The following NAALADL2 variants were observed in gnomAD, a reference collection of about 807,000 sequenced individuals.
NAALADL2 encodes inactive N-acetylated-alpha-linked acidic dipeptidase-like protein 2.
NAALADL2 carries 76 observed loss-of-function variants against 87.2 expected under a neutral mutation model. The observed-to-expected ratio is 0.87, with a 90% CI of 0.72 to 1.05. NAALADL2 has a LOEUF of 1.05. NAALADL2 is among the 50% of genes least tolerant of loss of function. The pLI is 0.00. For synonymous variants in NAALADL2, 354 were observed against 331.0 expected (o/e 1.07, Z -0.75); for missense variants, 1,089 against 945.8 (o/e 1.15, Z -1.99).
intron 10 of NAALADL2, among the ~76,000 whole-genome samples, chr3:175,590,601 G>A (rs954222534): frequency 6.6e-6 from 1 of 152,092 alleles, no homozygotes; most frequent in South Asian, 2.1e-4. Flanking sequence ...ATCAAATTTT[G>A]GAGGCTAAAC....
Position 175,095,450 on chromosome 3 carries a change from T to C in NAALADL2, c.44-1340T>C, listed in dbSNP as rs536706086. The stretch of plus-strand genomic sequence containing the variant: ...GCATTAGATAATCATCTTTATTGAG[T>C]CAATGCTAGGTAAGAATGATTCCTA... On this transcript the variant is annotated intron_variant, in intron 1 of 13. Transcript: ENST00000454872. 7.9e-5 allele frequency among the ~76,000 whole-genome samples: 12 copies of C among 152,226 alleles called. No individual in the cohort carries two copies. The South Asian group carries it at 2.5e-3, about 32-fold the overall frequency.
chr3:175,506,881 C>T (rs905727456), intron 9 of NAALADL2, among the ~76,000 whole-genome samples: 1 of 152,104 alleles, frequency 6.6e-6, no homozygotes, highest in Non-Finnish European at 1.5e-5. Flanking sequence ...GCCTCACTTG[C>T]TATGATGATA....
chr3:175,170,768 G>A (rs147880338), intron 2 of NAALADL2, among the ~76,000 whole-genome samples: 4 of 151,436 alleles, frequency 2.6e-5, no homozygotes, highest in Admixed American at 6.6e-5. Context: ...AACCCTTAAC[G>A]TGATGTTGCC....
intron 11 of NAALADL2, among the ~76,000 whole-genome samples, chr3:175,658,546 G>T (rs182938042): frequency 8.2e-4 from 124 of 152,100 alleles, no homozygotes; most frequent in Non-Finnish European, 1.5e-3. Context: ...TATGCAACAG[G>T]GTAGAAATTG....
intron 3 of NAALADL2, among the ~76,000 whole-genome samples, chr3:174,738,099 A>C (rs2109001728): frequency 6.6e-6 from 1 of 152,246 alleles, no homozygotes; most frequent in East Asian, 1.9e-4. Context: ...CAGCCTAGTG[A>C]TTTTTATTGA....
chr3:174,611,310 TATA>T (rs888976610), intron 2 of NAALADL2, among the ~76,000 whole-genome samples: 2 of 151,886 alleles, frequency 1.3e-5, no homozygotes, highest in Admixed American at 6.6e-5. Flanking sequence ...AAACTTAAAG[TATA>T]ATAATAATAA....
chr3:175,166,692 C>G (rs1180037334), intron 2 of NAALADL2, among the ~76,000 whole-genome samples: 5 of 152,002 alleles, frequency 3.3e-5, no homozygotes, highest in African/African-American at 1.2e-4. Context: ...ATGGATGTAG[C>G]TACGTCTTTC....
chr3:175,723,855 A>G (rs1019493229), intron 11 of NAALADL2, among the ~76,000 whole-genome samples: 1 of 152,098 alleles, frequency 6.6e-6, no homozygotes, highest in Non-Finnish European at 1.5e-5. Flanking sequence ...AGCTGCCCTT[A>G]ATTCTCTCCA....
chr3:175,660,197 T>C (rs187970283), intron 11 of NAALADL2, among the ~76,000 whole-genome samples: 129 of 152,236 alleles, frequency 8.5e-4, no homozygotes, highest in South Asian at 1.9e-3. Flanking sequence ...CACCTCTTGA[T>C]ACTATTAAAT....
At chr3:174,565,340 T>C (rs554652773) in intron 2 of NAALADL2, among the ~76,000 whole-genome samples, 1 of 152,092 alleles carries the variant, frequency 6.6e-6, no homozygotes, top group South Asian at 2.1e-4. Flanking sequence ...TTGCCTCCCT[T>C]CCCCCAAATC....
At chr3:175,766,392 G>A (rs1020914168) in intron 13 of NAALADL2, among the ~76,000 whole-genome samples, 11 of 152,084 alleles carry the variant, frequency 7.2e-5, no homozygotes, top group Non-Finnish European at 1.5e-5. Context: ...AAAGACTCCA[G>A]AATAAGTCAC....
chr3:175,311,074 CT>C (rs1263486475), intron 4 of NAALADL2, among the ~76,000 whole-genome samples: 2 of 151,850 alleles, frequency 1.3e-5, no homozygotes, highest in Admixed American at 1.3e-4. Context: ...ATTCTTTTCA[CT>C]TCATAAACCA....
At chr3:175,093,073 C>T (rs773093256) in intron 1 of NAALADL2, among the ~76,000 whole-genome samples, 1 of 151,744 alleles carries the variant, frequency 6.6e-6, no homozygotes, top group Non-Finnish European at 1.5e-5. Context: ...GTACTTTTAA[C>T]ACTCACATGG....
At chr3:175,509,200 T>A (rs1730789566) in intron 9 of NAALADL2, among the ~76,000 whole-genome samples, 1 of 151,894 alleles carries the variant, frequency 6.6e-6, no homozygotes, top group Non-Finnish European at 1.5e-5. Flanking sequence ...TATACTGTAA[T>A]ATTTCTTTTC....
At chr3:175,248,222 A>G (rs1451426557) in intron 3 of NAALADL2, among the ~76,000 whole-genome samples, 6 of 152,186 alleles carry the variant, frequency 3.9e-5, no homozygotes, top group Non-Finnish European at 5.9e-5. Flanking sequence ...TGAAAATGTT[A>G]CTTACCATCT....
At position 174,985,381 on chromosome 3, in the gene NAALADL2, G is replaced by T. The variant is rs558543618; in HGVS notation, c.44-111409G>T. Reference sequence around the variant, plus strand: ...TGGCCATCTTTGAGTGAAAATATAAGAATATGTCAGAATTATTCTTTTCTC... The same window carrying T: ...TGGCCATCTTTGAGTGAAAATATAATAATATGTCAGAATTATTCTTTTCTC... On this transcript the variant is annotated intron_variant, in intron 1 of 13. Coordinates refer to ENST00000454872, the MANE Select transcript of NAALADL2 (RefSeq NM_207015.3). Among the ~76,000 whole-genome samples, 5 of 152,210 alleles carry T rather than the reference G, an allele frequency of 3.3e-5. No homozygotes were observed. The South Asian group carries it at 1.0e-3, about 32-fold the overall frequency.
At chr3:175,671,139 T>G (rs1303999161) in intron 11 of NAALADL2, among the ~76,000 whole-genome samples, 2 of 151,376 alleles carry the variant, frequency 1.3e-5, no homozygotes, top group Admixed American at 1.3e-4. Flanking sequence ...AGTCATGACT[T>G]AAGACTTGTG....
At chr3:174,750,469 T>C (rs570921016) in intron 3 of NAALADL2, among the ~76,000 whole-genome samples, 92 of 151,904 alleles carry the variant, frequency 6.1e-4, no homozygotes, top group African/African-American at 2.1e-3. Context: ...CTGCTGCTGT[T>C]GCCCAGGCTG....
At chr3:174,831,364 A>T (rs566584562) in intron 3 of NAALADL2, among the ~76,000 whole-genome samples, 1 of 146,122 alleles carries the variant, frequency 6.8e-6, no homozygotes, top group Non-Finnish European at 1.5e-5. Flanking sequence ...TATTGAGAAA[A>T]TCATGTGGTT....
Sources: allele counts gnomAD v4.1 joint callset (sites outside exome capture counted in the v4.1 genomes callset), GRCh38; gene constraint gnomAD v4.1.1; transcripts MANE v1.5; gene names NCBI Gene and HGNC (gene_info 2026-07-23, HGNC 2026-07-21).